The following DAPK2 variants were observed in gnomAD, a reference collection of about 807,000 sequenced individuals.
DAPK2 encodes the protein death associated protein kinase 2, also known as death-associated protein kinase 2.
DAPK2 carries 35 observed loss-of-function variants against 44.1 expected under a neutral mutation model. The observed-to-expected ratio is 0.79, with a 90% CI of 0.61 to 1.05. The LOEUF is 1.05. DAPK2 is among the 50% of genes least tolerant of loss of function. The pLI is 0.00. For synonymous variants in DAPK2, 174 were observed against 182.6 expected (o/e 0.95, Z 0.38); for missense variants, 453 against 483.2 (o/e 0.94, Z 0.59).
upstream of DAPK2, among the ~76,000 whole-genome samples, chr15:64,040,619 TA>T (rs202079084): frequency 2.0e-5 from 3 of 151,230 alleles, no homozygotes; most frequent in African/African-American, 7.3e-5. Context: ...GTACAGTTTT[TA>T]AAAAAAAATG....
chr15:63,988,541 G>A (rs965877108), intron 1 of DAPK2, among the ~76,000 whole-genome samples: 11 of 146,446 alleles, frequency 7.5e-5, no homozygotes, highest in Admixed American at 2.1e-4. Flanking sequence ...GTCTCGCTCT[G>A]TTGCCCAGGA....
chr15:63,977,930 G>T lies in DAPK2; in HGVS notation c.314+5603C>A, dbSNP rs114736587. Among the ~76,000 whole-genome samples, 828 of 152,236 alleles carry T rather than the reference G, an allele frequency of 5.4e-3. 8 individuals carry two copies. Among genetic ancestry groups the T allele is most frequent in the African/African-American group, 0.019 (797 of 41,536 alleles). On this transcript the variant is annotated intron_variant, in intron 2 of 10. Coordinates refer to ENST00000261891, the Ensembl canonical transcript of DAPK2. ...TGAGGTGCTGATGCAAAATGGAAAG[G>T]CTCAAAGCAGCCCCAGGCACTGGGC...
chr15:63,911,866 AC>A, intron 10 of DAPK2, 41 bp downstream of exon 11: 1 of 1,597,640 alleles, frequency 6.3e-7, no homozygotes, highest in Non-Finnish European at 8.6e-7. Context: ...GCTCCAGGCT[AC>A]CCCAGAATTC....
intron 1 of DAPK2, among the ~76,000 whole-genome samples, chr15:64,034,116 T>C (rs1181602051): frequency 2.0e-5 from 3 of 152,168 alleles, no homozygotes; most frequent in East Asian, 1.9e-4. Context: ...GGGTTAGTCT[T>C]AGGAGCTCTT....
At chr15:64,000,620 GA>G (rs553130880) in intron 1 of DAPK2, among the ~76,000 whole-genome samples, 2 of 152,066 alleles carry the variant, frequency 1.3e-5, no homozygotes, top group Admixed American at 6.6e-5. Context: ...TATGCAGGGG[GA>G]AAAAAATGAA....
intron 8 of DAPK2, among the ~76,000 whole-genome samples, chr15:63,915,296 C>T (rs1167288847): frequency 6.6e-6 from 1 of 152,186 alleles, no homozygotes; most frequent in East Asian, 1.9e-4. Context: ...CTCCCTTGCA[C>T]CTCCAAGCTC....
intron 2 of DAPK2, among the ~76,000 whole-genome samples, chr15:63,975,379 CTA>C (rs1408458085): frequency 1.3e-5 from 2 of 152,158 alleles, no homozygotes; most frequent in Non-Finnish European, 2.9e-5. Context: ...AACACATACT[CTA>C]TGTTACATGC....
At position 63,911,965 on chromosome 15, in the gene DAPK2, G is replaced by A. The variant is rs1393699142; in HGVS notation, c.975C>T (p.Cys325=). The change falls in exon 10 of 11, where the codon TGC becomes TGT. Residue 325 remains cysteine, a synonymous_variant. Coordinates refer to ENST00000261891, the Ensembl canonical transcript of DAPK2. ...TCATCAGCGAGCGGGTGAGGTGGTT[G>A]CACAGGGACACGATGCTGAAGGAAA... is the stretch of plus-strand genomic sequence containing the variant. The A allele has an allele frequency of 6.8e-6, 11 of 1,613,912 alleles. 1 individual carries two copies. Among genetic ancestry groups the A allele is most frequent in the East Asian group, 6.7e-5 (3 of 44,900 alleles).
At chr15:64,016,437 TCA>T (rs1291980564) in intron 1 of DAPK2, among the ~76,000 whole-genome samples, 1 of 152,242 alleles carries the variant, frequency 6.6e-6, no homozygotes, top group Non-Finnish European at 1.5e-5. Flanking sequence ...TCAGTGAGCC[TCA>T]GTGTTCTCAT....
At chr15:63,983,611 C>T (rs1214974133) in exon 2 of DAPK2, 13 of 1,614,172 alleles carry the variant, frequency 8.1e-6, no homozygotes, top group South Asian at 3.3e-5. Context: ...CAGCACCTGC[C>T]GCAGGATGCT....
intron 4 of DAPK2, among the ~76,000 whole-genome samples, chr15:63,936,979 C>CAAAAAAA (rs56052031): frequency 7.7e-6 from 1 of 129,818 alleles, no homozygotes. Context: ...GACCCTGTCT[C>CAAAAAAA]AAAAAAAAAA....
At chr15:63,942,721 C>T (rs900061438) in intron 3 of DAPK2, among the ~76,000 whole-genome samples, 1 of 152,126 alleles carries the variant, frequency 6.6e-6, no homozygotes, top group Non-Finnish European at 1.5e-5. Context: ...CCTGCACTAC[C>T]CCAACCCCAA....
At chr15:64,023,855 G>A (rs2079760269) in intron 1 of DAPK2, among the ~76,000 whole-genome samples, 1 of 152,236 alleles carries the variant, frequency 6.6e-6, no homozygotes, top group African/African-American at 2.4e-5. Context: ...TCTGCTACAG[G>A]AGGCGGAAGA....
In DAPK2 at chr15:63,917,698, T is replaced by G. The variant is rs990489836; in HGVS notation, c.859-5501A>C. 3.3e-5 allele frequency: 5 copies of G among 152,196 alleles called. No homozygotes were observed. The highest frequency in any genetic ancestry group is 6.5e-5 in the Admixed American group (1 of 15,272). 9.4% of individuals were successfully genotyped at this position (152,196 alleles called of 1,614,324 possible). ...CTGTTCCAAGTTCCTAACCCCAATC[T>G]TGGCTCAGCCCCACCCCCCTTCCAG... On this transcript the variant is annotated intron_variant, in intron 8 of 10. Coordinates refer to ENST00000261891, the Ensembl canonical transcript of DAPK2. This position sits in a 1 kb window ranked among gnomAD's most constrained non-coding sequence, Gnocchi z 4.4.
intron 3 of DAPK2, among the ~76,000 whole-genome samples, chr15:63,961,567 G>T (rs1390943272): frequency 1.3e-5 from 2 of 152,134 alleles, no homozygotes; most frequent in Non-Finnish European, 2.9e-5. Flanking sequence ...GCATTTGTTT[G>T]TCTGTAAAGG....
At chr15:64,008,830 C>T (rs2079308807) in intron 1 of DAPK2, among the ~76,000 whole-genome samples, 1 of 152,158 alleles carries the variant, frequency 6.6e-6, no homozygotes, top group Admixed American at 6.5e-5. Flanking sequence ...ACATCCCTAA[C>T]CAACAGAGCA....
rs973007522 is a variant in DAPK2 at position 63,990,995 on chromosome 15, C to G, written c.93-7241G>C. Among the ~76,000 whole-genome samples the G allele has an allele frequency of 4.6e-5, 7 of 152,142 alleles. No homozygotes were observed. The highest frequency in any genetic ancestry group is 2.9e-5 in the Non-Finnish European group (2 of 68,040). On this transcript the variant is annotated intron_variant, in intron 1 of 10. Coordinates refer to ENST00000261891, the Ensembl canonical transcript of DAPK2. This position sits in a 1 kb window ranked among gnomAD's most constrained non-coding sequence, Gnocchi z 4.3. ...GTGGAGCCTCTGTGGCTGACCCTGT[C>G]CTTATTTCCCACCCTTTCCCAACAC...
At chr15:63,914,644 C>A (rs1341960238) in intron 8 of DAPK2, among the ~76,000 whole-genome samples, 1 of 152,176 alleles carries the variant, frequency 6.6e-6, no homozygotes. Context: ...TCATGGAGAC[C>A]CTCAAGGCCT....
chr15:64,032,515 C>T (rs1446653894), intron 1 of DAPK2, among the ~76,000 whole-genome samples: 2 of 152,122 alleles, frequency 1.3e-5, no homozygotes, highest in Non-Finnish European at 2.9e-5. Flanking sequence ...TAGTGCTGCT[C>T]GCCCCAGCCT....
Sources: allele counts gnomAD v4.1 joint callset (sites outside exome capture counted in the v4.1 genomes callset), GRCh38; gene constraint gnomAD v4.1.1; non-coding constraint Gnocchi (gnomAD v3.1); transcripts MANE v1.5; gene names NCBI Gene and HGNC (gene_info 2026-07-23, HGNC 2026-07-21).